Variants in GOLM2 observed in about 807,000 individuals in gnomAD.
GOLM2 encodes the protein protein GOLM2.
Under a neutral mutation model 55.9 loss-of-function variants are expected in GOLM2, and 26 were observed. The observed-to-expected ratio is 0.47, with a 90% CI of 0.34 to 0.65. The LOEUF (loss-of-function observed/expected upper bound fraction) is 0.65, where lower values mean the gene tolerates loss of function less well. Among genes scored for constraint, GOLM2 ranks in the 30% least tolerant of loss-of-function variants. The pLI is 0.01. For synonymous variants in GOLM2, 165 were observed against 194.6 expected, an observed-to-expected ratio of 0.85 and a Z score of 1.27; for missense variants, 486 against 531.8, an observed-to-expected ratio of 0.91 and a Z score of 0.85.
chr15:44,338,976 A>G (rs1002950413), intron 6 of GOLM2, among the ~76,000 whole-genome samples: 5 of 151,990 alleles, frequency 3.3e-5, no homozygotes, highest in African/African-American at 4.8e-5. Context: ...TTTCTTGGCT[A>G]TTAATGGTAC....
At chr15:44,323,632 T>C (rs995717949) in intron 2 of GOLM2, among the ~76,000 whole-genome samples, 25 of 151,852 alleles carry the variant, frequency 1.6e-4, no homozygotes, top group African/African-American at 6.0e-4. Context: ...CCTTTGAAGT[T>C]TGGGTTCTGA....
chr15:44,323,253 CA>C (rs929190298), intron 2 of GOLM2, among the ~76,000 whole-genome samples: 78 of 151,930 alleles, frequency 5.1e-4, no homozygotes, highest in African/African-American at 1.8e-3. Flanking sequence ...GAGCTACAGA[CA>C]GGGTTATGCA....
At chr15:44,326,263 C>CA (rs569803247) in intron 2 of GOLM2, among the ~76,000 whole-genome samples, 1,104 of 59,226 alleles carry the variant, frequency 0.019, 6 homozygotes, top group East Asian at 0.063. Flanking sequence ...GACTCTGTCT[C>CA]AAAAAAAAAA....
chr15:44,319,146 A>C (rs1269676934), intron 1 of GOLM2, among the ~76,000 whole-genome samples: 1 of 152,136 alleles, frequency 6.6e-6, no homozygotes, highest in Non-Finnish European at 1.5e-5. Context: ...TTGCCTATTT[A>C]CTTGACTCCC....
intron 4 of GOLM2, among the ~76,000 whole-genome samples, 196 bp downstream of exon 4, chr15:44,332,274 T>G (rs978916518): frequency 6.6e-6 from 1 of 152,176 alleles, no homozygotes; most frequent in African/African-American, 2.4e-5. Flanking sequence ...TTCTTAAAAC[T>G]GGTCGGGCAC....
chr15:44,411,013 C>CTTTTTT (rs201998296), intron 9 of GOLM2, among the ~76,000 whole-genome samples: 1 of 81,330 alleles, frequency 1.2e-5, no homozygotes, highest in Non-Finnish European at 2.6e-5. Flanking sequence ...GTTTGTTTGA[C>CTTTTTT]TTTTTTTTTT....
At chr15:44,313,686 T>C (rs1241546141) in intron 1 of GOLM2, among the ~76,000 whole-genome samples, 2 of 152,240 alleles carry the variant, frequency 1.3e-5, no homozygotes, top group Non-Finnish European at 1.5e-5. Flanking sequence ...TGTGACTGGC[T>C]GACTGACTAA....
intron 8 of GOLM2, among the ~76,000 whole-genome samples, chr15:44,385,972 T>C (rs1191469767): frequency 1.3e-5 from 2 of 152,242 alleles, no homozygotes; most frequent in Non-Finnish European, 2.9e-5. Context: ...CAAATATTTT[T>C]GCACAGTCTA....
intron 8 of GOLM2, among the ~76,000 whole-genome samples, chr15:44,392,374 G>C (rs1438082151): frequency 6.6e-6 from 1 of 151,960 alleles, no homozygotes; most frequent in South Asian, 2.1e-4. Flanking sequence ...GTAAATCCCA[G>C]CACTTTGGGA....
At chr15:44,406,423 T>C (rs1272249774) in intron 9 of GOLM2, 1 of 152,070 alleles carries the variant, frequency 6.6e-6, no homozygotes, top group Non-Finnish European at 1.5e-5. Context: ...AACATTAGTC[T>C]AGAATCAAGA....
chr15:44,365,104 T>A (rs1380237927), intron 6 of GOLM2, among the ~76,000 whole-genome samples: 2 of 152,194 alleles, frequency 1.3e-5, no homozygotes, highest in Non-Finnish European at 2.9e-5. Flanking sequence ...TATAGAAGCT[T>A]TATTCGTAAT....
At chr15:44,411,747 T>G (rs1231504791) in intron 9 of GOLM2, among the ~76,000 whole-genome samples, 2 of 149,736 alleles carry the variant, frequency 1.3e-5, no homozygotes, top group Non-Finnish European at 2.9e-5. Context: ...GAGATTCCCT[T>G]GAACCCAGGA....
intron 9 of GOLM2, chr15:44,406,819 A>G (rs997337167): frequency 6.6e-6 from 1 of 152,112 alleles, no homozygotes; most frequent in Non-Finnish European, 1.5e-5. Context: ...GCTGCAGGAT[A>G]AGATTCTGGC....
intron 2 of GOLM2, among the ~76,000 whole-genome samples, chr15:44,328,072 GT>G (rs1045316481): frequency 1.3e-5 from 2 of 152,194 alleles, no homozygotes; most frequent in African/African-American, 4.8e-5. Context: ...GAGATAGGTA[GT>G]TTTTTGTATT....
chr15:44,288,940 C>A lies in GOLM2; in HGVS notation c.-90C>A. On this transcript the variant is annotated 5_prime_UTR_variant, in exon 1 of 10. Transcript: ENST00000299957. ...CTCCTCCCTCGGCCGGCCCTGGGGCCGTGTCCGCCGGGCAACTCCAGCCGA... is the reference window on the plus strand; with the variant it reads ...CTCCTCCCTCGGCCGGCCCTGGGGCAGTGTCCGCCGGGCAACTCCAGCCGA... 1 of 1,260,586 alleles carries A rather than the reference C, an allele frequency of 7.9e-7. No homozygotes were observed. The highest frequency in any genetic ancestry group is 1.5e-5 in the African/African-American group (1 of 66,936). 78.1% of individuals were successfully genotyped at this position (1,260,586 alleles called of 1,614,324 possible).
chr15:44,407,873 T>C (rs1296333089), intron 9 of GOLM2, among the ~76,000 whole-genome samples: 1 of 151,890 alleles, frequency 6.6e-6, no homozygotes, highest in African/African-American at 2.4e-5. Context: ...TGCCTCAGCT[T>C]CCTGAGTAGC....
At position 44,380,981 on chromosome 15, in the gene GOLM2, G is replaced by A. The variant is rs1280904644; in HGVS notation, c.1072+5G>A. 1.3e-6 allele frequency: 2 copies of A among 1,534,782 alleles called. No individual in the cohort carries two copies. Among genetic ancestry groups the A allele is most frequent in the Non-Finnish European group, 1.8e-6 (2 of 1,136,522 alleles). ...ATTTCCATAAATTGAAGCAAAGTAA[G>A]AATCAATTGATGAATATTATGCTAA... is the stretch of plus-strand genomic sequence containing the variant. On this transcript the variant is annotated splice_donor_5th_base_variant and intron_variant, in intron 8 of 9. Transcript: ENST00000299957.
At chr15:44,366,296 C>CAAAAAAAAA (rs34413737) in intron 6 of GOLM2, among the ~76,000 whole-genome samples, 3 of 55,472 alleles carry the variant, frequency 5.4e-5, no homozygotes, top group African/African-American at 1.4e-4. Flanking sequence ...GACTCCGTCT[C>CAAAAAAAAA]AAAAAAAAAA....
intron 8 of GOLM2, among the ~76,000 whole-genome samples, chr15:44,393,583 T>C (rs1371454394): frequency 6.6e-6 from 1 of 152,286 alleles, no homozygotes; most frequent in African/African-American, 2.4e-5. Flanking sequence ...ACTTCCACTA[T>C]CAGATATGAA....
Sources: allele counts gnomAD v4.1 joint callset (sites outside exome capture counted in the v4.1 genomes callset), GRCh38; gene constraint gnomAD v4.1.1; transcripts MANE v1.5; gene names NCBI Gene and HGNC (gene_info 2026-07-23, HGNC 2026-07-21).